PEX5L: variants seen among roughly 807,000 people sequenced by gnomAD.
PEX5L encodes the protein peroxisomal biogenesis factor 5 like.
Under a neutral mutation model 84.0 loss-of-function variants are expected in PEX5L, and 30 were observed. The observed-to-expected ratio is 0.36, with a 90% CI of 0.27 to 0.48. PEX5L has a LOEUF of 0.48. PEX5L is among the 20% of genes least tolerant of loss of function. PEX5L has a pLI of 0.99. For synonymous variants in PEX5L, 270 were observed against 283.1 expected (o/e 0.95, Z 0.46); for missense variants, 533 against 754.6 (o/e 0.71, Z 3.44).
At chr3:179,907,770 C>T (rs985325252) in intron 2 of PEX5L, among the ~76,000 whole-genome samples, 3 of 152,114 alleles carry the variant, frequency 2.0e-5, no homozygotes, top group African/African-American at 7.2e-5. Context: ...TTGGAATTCA[C>T]CCCCTTTATG....
Position 179,809,671 on chromosome 3 carries a change from G to GAAAA in PEX5L, c.1155-7_1155-4dup, listed in dbSNP as rs35082123. 4.5e-5 allele frequency: 63 copies of GAAAA among 1,391,162 alleles called. No individual in the cohort carries two copies. The highest frequency in any genetic ancestry group is 8.0e-5 in the South Asian group (6 of 75,448). 86.2% of individuals were successfully genotyped at this position (1,391,162 alleles called of 1,614,324 possible). On this transcript the variant is annotated splice_region_variant and splice_polypyrimidine_tract_variant and intron_variant, in intron 11 of 14. Transcript: ENST00000467460. ...TGTTGGGCTGTAATTCTAAGCACCTGAAAAAAAAAAAGAAGCCAATTTCAG... is the reference window on the plus strand; with the variant it reads ...TGTTGGGCTGTAATTCTAAGCACCTGAAAAAAAAAAAAAAAGAAGCCAATTTCAG...
chr3:179,833,153 G>T (rs1222731260), intron 8 of PEX5L, among the ~76,000 whole-genome samples: 2 of 152,182 alleles, frequency 1.3e-5, no homozygotes, highest in African/African-American at 4.8e-5. Context: ...CAGTAATCTG[G>T]GTTTAGCCTG....
intron 2 of PEX5L, among the ~76,000 whole-genome samples, chr3:179,899,351 T>C (rs1019512116): frequency 6.6e-6 from 1 of 152,140 alleles, no homozygotes; most frequent in Non-Finnish European, 1.5e-5. Context: ...AGAAAAGATA[T>C]GAATATTTGT....
At chr3:179,900,046 T>C (rs766617117) in intron 2 of PEX5L, among the ~76,000 whole-genome samples, 2 of 152,182 alleles carry the variant, frequency 1.3e-5, no homozygotes, top group Admixed American at 6.5e-5. Flanking sequence ...TGGGAAAAGA[T>C]TTATTATGGC....
chr3:179,967,886 G>A (rs1180329983), intron 2 of PEX5L, among the ~76,000 whole-genome samples: 1 of 152,182 alleles, frequency 6.6e-6, no homozygotes, highest in Non-Finnish European at 1.5e-5. Flanking sequence ...AACCCCGGGG[G>A]TGGGATCCAG....
At chr3:179,931,181 ATTG>A (rs1772996903) in intron 2 of PEX5L, among the ~76,000 whole-genome samples, 1 of 152,224 alleles carries the variant, frequency 6.6e-6, no homozygotes, top group African/African-American at 2.4e-5. Flanking sequence ...CTGAGTGTCT[ATTG>A]TTGTGTTCAA....
chr3:179,830,631 C>A (rs963348525), intron 8 of PEX5L, among the ~76,000 whole-genome samples: 1 of 152,156 alleles, frequency 6.6e-6, no homozygotes, highest in Non-Finnish European at 1.5e-5. Context: ...AAAATCATCC[C>A]ATATTTTCCT....
chr3:179,949,126 T>C (rs1018776203), intron 2 of PEX5L, among the ~76,000 whole-genome samples: 4 of 152,164 alleles, frequency 2.6e-5, no homozygotes, highest in Admixed American at 6.5e-5. Flanking sequence ...GTCTTTCTCA[T>C]AGTTTAGTCC....
intron 3 of PEX5L, 32 bp downstream of exon 3, chr3:179,898,110 G>T: frequency 1.5e-6 from 2 of 1,356,982 alleles, no homozygotes; most frequent in Non-Finnish European, 2.1e-6. Flanking sequence ...ACATATGTCA[G>T]CTTCCTACAG....
intron 1 of PEX5L, among the ~76,000 whole-genome samples, chr3:180,031,833 T>C (rs1362134511): frequency 6.6e-6 from 1 of 152,216 alleles, no homozygotes; most frequent in African/African-American, 2.4e-5. Context: ...GATTCAAAAT[T>C]GTAGAGTTAA....
rs575362532 is a variant in PEX5L at position 179,799,852 on chromosome 3, T to G, written c.*1976A>C. The G allele has an allele frequency of 1.3e-3, 191 of 152,288 alleles. 1 individual carries two copies. The highest frequency in any genetic ancestry group is 4.4e-3 in the African/African-American group (183 of 41,544). 9.4% of individuals were successfully genotyped at this position (152,288 alleles called of 1,614,324 possible). On this transcript the variant is annotated 3_prime_UTR_variant, in exon 15 of 15. Transcript: ENST00000467460. Reference sequence around the variant, plus strand: ...ACCATTCTTGAAAGCATTGTTGAGCTTTACTTTGCTGCTGAGACTGTAGAG... The same window carrying G: ...ACCATTCTTGAAAGCATTGTTGAGCGTTACTTTGCTGCTGAGACTGTAGAG...
chr3:179,800,755 GA>G lies in PEX5L; in HGVS notation c.*1072del, dbSNP rs1306989556. On this transcript the variant is annotated 3_prime_UTR_variant, in exon 15 of 15. Transcript: ENST00000467460. ...GAAACTAAGAAAACATAATTTTTAG[GA>G]AAAAATGTTATTTATCACTCTTAAG... is the stretch of plus-strand genomic sequence containing the variant. 6.6e-6 allele frequency: 1 copy of G among 151,984 alleles called. No homozygotes were observed. The highest frequency in any genetic ancestry group is 6.5e-5 in the Admixed American group (1 of 15,270). The allele number at this position is 151,984 out of a possible 1,614,324, so 9.4% of individuals were successfully genotyped here. A position where few individuals can be genotyped will look rare whatever the true frequency, so the allele number is the denominator to read the frequency against.
At chr3:180,033,774 T>A (rs1791663053) in intron 1 of PEX5L, among the ~76,000 whole-genome samples, 1 of 152,164 alleles carries the variant, frequency 6.6e-6, no homozygotes, top group Non-Finnish European at 1.5e-5. Context: ...TTTACTGGGG[T>A]GACTAACTCC....
intron 2 of PEX5L, among the ~76,000 whole-genome samples, chr3:179,917,503 T>C (rs1022852221): frequency 2.6e-5 from 4 of 152,198 alleles, no homozygotes; most frequent in African/African-American, 9.7e-5. Context: ...GCACAGTAAT[T>C]TGTCTTCACC....
intron 8 of PEX5L, among the ~76,000 whole-genome samples, chr3:179,835,744 TG>T (rs1372416220): frequency 6.6e-6 from 1 of 152,174 alleles, no homozygotes; most frequent in African/African-American, 2.4e-5. Context: ...TATTTTCATA[TG>T]GGGAACTCCA....
intron 1 of PEX5L, among the ~76,000 whole-genome samples, chr3:180,032,903 G>A (rs1791586719): frequency 6.6e-6 from 1 of 152,158 alleles, no homozygotes; most frequent in African/African-American, 2.4e-5. Flanking sequence ...ATCTGTTAGA[G>A]AGGTGGAAGT....
At chr3:179,907,713 T>C (rs2109136818) in intron 2 of PEX5L, among the ~76,000 whole-genome samples, 1 of 152,334 alleles carries the variant, frequency 6.6e-6, no homozygotes, top group South Asian at 2.1e-4. Context: ...TAAGGTAGAA[T>C]TATACTATAT....
At chr3:179,802,644 C>T (rs1478003211) in intron 14 of PEX5L, among the ~76,000 whole-genome samples, 33 of 151,460 alleles carry the variant, frequency 2.2e-4, no homozygotes, top group Admixed American at 2.0e-3. Context: ...TTAATGCATT[C>T]GATTTTCCTC....
intron 4 of PEX5L, chr3:179,881,441 G>C (rs1434400628): frequency 6.6e-6 from 1 of 152,206 alleles, no homozygotes; most frequent in Non-Finnish European, 1.5e-5. Flanking sequence ...TCACGGCTTA[G>C]TGTGTGACTT....
Sources: gnomAD v4.1 joint callset for allele counts (sites outside exome capture counted in the v4.1 genomes callset) on GRCh38, gnomAD v4.1.1 for gene constraint, MANE v1.5 for transcripts, NCBI Gene and HGNC (gene_info 2026-07-23, HGNC 2026-07-21) for gene names.